Variants in DGLUCY observed in about 807,000 individuals in gnomAD.
DGLUCY encodes the protein D-glutamate cyclase, mitochondrial.
A neutral mutation model predicts 58.5 loss-of-function variants in DGLUCY; 58 were observed. That is an observed-to-expected ratio of 0.99 (90% CI 0.80 to 1.23). DGLUCY has a LOEUF of 1.23. Among genes scored for constraint, DGLUCY ranks in the 50% most tolerant of loss-of-function variants. DGLUCY has a pLI of 0.00. For missense variants in DGLUCY, 779 were observed against 784.7 expected (o/e 0.99, Z 0.09); for synonymous variants, 325 against 314.1 (o/e 1.03, Z -0.37).
chr14:91,062,496 C>T (rs1463590896), intron 1 of DGLUCY, among the ~76,000 whole-genome samples: 2 of 137,244 alleles, frequency 1.5e-5, no homozygotes, highest in African/African-American at 2.7e-5. Context: ...TGCAGTAAGC[C>T]GAGATCACAC....
intron 6 of DGLUCY, among the ~76,000 whole-genome samples, chr14:91,175,502 A>T (rs1034399625): frequency 2.0e-5 from 3 of 151,980 alleles, no homozygotes; most frequent in African/African-American, 7.3e-5. Flanking sequence ...ATTAGCGGGG[A>T]TGGATTGGGC....
chr14:91,116,996 C>A (rs967781361), intron 1 of DGLUCY, among the ~76,000 whole-genome samples: 1 of 150,686 alleles, frequency 6.6e-6, no homozygotes, highest in Non-Finnish European at 1.5e-5. Flanking sequence ...ATGGGCTGCT[C>A]GACTGAGTAT....
At chr14:91,168,950 G>T (rs2078296584) in intron 4 of DGLUCY, among the ~76,000 whole-genome samples, 2 of 152,092 alleles carry the variant, frequency 1.3e-5, no homozygotes. Context: ...AGCCGGGCAT[G>T]GTGGTTCGGG....
chr14:91,134,959 CTG>C (rs1282565960), intron 1 of DGLUCY, among the ~76,000 whole-genome samples: 1 of 151,638 alleles, frequency 6.6e-6, no homozygotes, highest in African/African-American at 2.4e-5. Flanking sequence ...GGATCTCACT[CTG>C]TAGCCCAGGC....
chr14:91,066,159 C>T (rs2043815480), intron 1 of DGLUCY, among the ~76,000 whole-genome samples: 1 of 152,086 alleles, frequency 6.6e-6, no homozygotes, highest in Non-Finnish European at 1.5e-5. Flanking sequence ...AGGAGGATCA[C>T]CTGAGGTCAG....
chr14:91,141,850 C>CTT (rs1338493011), intron 1 of DGLUCY, among the ~76,000 whole-genome samples: 2 of 128,498 alleles, frequency 1.6e-5, no homozygotes, highest in East Asian at 2.3e-4. Flanking sequence ...TGCGCCCGGC[C>CTT]TTTTTTTTTT....
At chr14:91,088,440 A>G (rs2044256791) in intron 1 of DGLUCY, among the ~76,000 whole-genome samples, 1 of 152,160 alleles carries the variant, frequency 6.6e-6, no homozygotes, top group African/African-American at 2.4e-5. Context: ...CTCAGTCACT[A>G]GGACAGTCCT....
intron 9 of DGLUCY, among the ~76,000 whole-genome samples, chr14:91,190,080 C>T (rs989861032): frequency 8.7e-5 from 13 of 149,602 alleles, no homozygotes; most frequent in Non-Finnish European, 1.9e-4. Context: ...CTCCGCCTCC[C>T]GGGTTCACGC....
In DGLUCY at chr14:91,174,575, G is replaced by C. The variant is rs181937613; in HGVS notation, c.607+1136G>C. On this transcript the variant is annotated intron_variant, in intron 6 of 13. Transcript: ENST00000256324. ...CCCGTCTTGGCCTCCCAAAGTGCTGGGATTACAGGTATGAGCCACCGCACC... is the reference window on the plus strand; with the variant it reads ...CCCGTCTTGGCCTCCCAAAGTGCTGCGATTACAGGTATGAGCCACCGCACC... Among the ~76,000 whole-genome samples, 235 of 152,204 alleles carry C rather than the reference G, an allele frequency of 1.5e-3. 4 individuals are homozygous for C. The highest frequency in any genetic ancestry group is 5.4e-3 in the African/African-American group (225 of 41,506).
At chr14:91,169,879 G>T in intron 4 of DGLUCY, 124 bp from the exon 5 acceptor site, 2 of 982,626 alleles carry the variant, frequency 2.0e-6, no homozygotes, top group Non-Finnish European at 3.1e-6. Context: ...TCCCTACCCT[G>T]GTGCCAGGGC....
At chr14:91,194,019 T>G (rs1349374771) in intron 9 of DGLUCY, among the ~76,000 whole-genome samples, 1 of 152,164 alleles carries the variant, frequency 6.6e-6, no homozygotes, top group African/African-American at 2.4e-5. Context: ...TTCCCCACTT[T>G]GGGATACATT....
chr14:91,121,264 A>C (rs1235173088), intron 1 of DGLUCY, among the ~76,000 whole-genome samples: 2 of 152,208 alleles, frequency 1.3e-5, no homozygotes, highest in Non-Finnish European at 2.9e-5. Flanking sequence ...TGCTCTGTAA[A>C]TGGCAAAAGA....
upstream of DGLUCY, among the ~76,000 whole-genome samples, chr14:91,109,877 G>T (rs1036520552): frequency 1.3e-5 from 2 of 152,220 alleles, no homozygotes; most frequent in Non-Finnish European, 2.9e-5. Context: ...AGCCGACCAT[G>T]TCTGGAGGCT....
upstream of DGLUCY, among the ~76,000 whole-genome samples, chr14:91,112,249 C>CA (rs1297795479): frequency 5.9e-3 from 579 of 98,618 alleles, 4 homozygotes; most frequent in African/African-American, 0.011. Flanking sequence ...AACTCTGTCT[C>CA]AAAAAAAAAA....
intron 13 of DGLUCY, chr14:91,216,537 G>A (rs1375482581): frequency 6.6e-6 from 1 of 152,186 alleles, no homozygotes; most frequent in Non-Finnish European, 1.5e-5. Context: ...CCAGCTACCT[G>A]GGAGGCTGAA....
chr14:91,154,015 C>T (rs1254138242), intron 1 of DGLUCY, among the ~76,000 whole-genome samples: 1 of 152,164 alleles, frequency 6.6e-6, no homozygotes, highest in Non-Finnish European at 1.5e-5. Context: ...AAGCAGTTCT[C>T]CTGCCTCAGC....
intron 1 of DGLUCY, among the ~76,000 whole-genome samples, chr14:91,070,917 A>C (rs1250691633): frequency 6.6e-6 from 1 of 152,190 alleles, no homozygotes; most frequent in Non-Finnish European, 1.5e-5. Context: ...AACAAAGTAC[A>C]TCAGATTTTT....
intron 12 of DGLUCY, among the ~76,000 whole-genome samples, chr14:91,209,724 A>G (rs1408828979): frequency 6.6e-6 from 1 of 152,148 alleles, no homozygotes; most frequent in South Asian, 2.1e-4. Flanking sequence ...CAAAAAAGAA[A>G]ATAAAACAGA....
chr14:91,150,336 A>G (rs909533780), intron 1 of DGLUCY, among the ~76,000 whole-genome samples: 2 of 152,058 alleles, frequency 1.3e-5, no homozygotes. Context: ...CCGGGGCTAG[A>G]ATATTTGATA....
Sources: allele counts gnomAD v4.1 joint callset (sites outside exome capture counted in the v4.1 genomes callset), GRCh38; gene constraint gnomAD v4.1.1; transcripts MANE v1.5; gene names NCBI Gene and HGNC (gene_info 2026-07-23, HGNC 2026-07-21).